The following SRL variants were observed in gnomAD, a reference collection of about 807,000 sequenced individuals.
SRL encodes sarcalumenin.
Under a neutral mutation model 39.5 loss-of-function variants are expected in SRL, and 23 were observed. The ratio of observed to expected loss-of-function variants is 0.58; its 90% CI spans 0.42 to 0.82. The LOEUF (loss-of-function observed/expected upper bound fraction) is 0.82. SRL is among the 40% of genes least tolerant of loss of function. The probability of loss-of-function intolerance (pLI) is 0.00; values close to 1 mark genes in which losing one functional copy is unlikely to be tolerated. For synonymous variants in SRL, 272 were observed against 237.4 expected, an observed-to-expected ratio of 1.15 and a Z score of -1.34; for missense variants, 592 against 607.8, an observed-to-expected ratio of 0.97 and a Z score of 0.27.
intron 1 of SRL, among the ~76,000 whole-genome samples, chr16:4,228,507 G>A (rs553388196): frequency 1.4e-3 from 211 of 152,090 alleles, no homozygotes; most frequent in Non-Finnish European, 2.5e-3. Context: ...AGGCCGAGGC[G>A]GGCGGATCAC....
At chr16:4,230,443 C>T (rs374470753) in intron 1 of SRL, among the ~76,000 whole-genome samples, 40 of 149,478 alleles carry the variant, frequency 2.7e-4, no homozygotes, top group African/African-American at 6.5e-4. Context: ...TATGGTGGTG[C>T]GATCTCGGCT....
At position 4,192,956 on chromosome 16, in the gene SRL, A is replaced by C; in HGVS notation, c.619T>G (p.Phe207Val). Residue 207 changes from phenylalanine (F) to valine (V), a missense_variant, in exon 6 of 6, where the codon TTC becomes GTC. By Grantham distance (50) the Phe-to-Val change is conservative (BLOSUM62 -1). Coordinates refer to ENST00000399609, the MANE Select transcript of SRL (RefSeq NM_001098814.2). This position sits in a 1 kb window ranked among gnomAD's most constrained non-coding sequence, Gnocchi z 4.0. The stretch of plus-strand genomic sequence containing the variant: ...ATGAACCACTGGCACACGTCGTTGA[A>C]GGGGTAGCCTTTGGGAGACAGAAGT... ...NRKQQERGYPFNDVCQWFIDR... is the reference protein window; with the variant it reads ...NRKQQERGYPVNDVCQWFIDR... The C allele has an allele frequency of 1.2e-6, 2 of 1,608,792 alleles. No individual in the cohort carries two copies. The highest frequency in any genetic ancestry group is 4.5e-5 in the East Asian group (2 of 44,812).
rs1304303431 is a variant in SRL at position 4,216,518 on chromosome 16, C to T, written c.62-11884G>A. Among the ~76,000 whole-genome samples the T allele has an allele frequency of 4.6e-5, 7 of 152,282 alleles. 1 individual carries two copies. In the East Asian group the frequency reaches 7.7e-4, roughly 17 times the overall value. ...AACTCTGGACCTCAAGTGATCCACC[C>T]GCCTCAAGTTCCCAAAGTGCTGGGA... On this transcript the variant is annotated intron_variant, in intron 1 of 5. Transcript: ENST00000399609.
intron 1 of SRL, among the ~76,000 whole-genome samples, chr16:4,238,437 C>T (rs56284072): frequency 0.01 from 1,529 of 152,252 alleles, 29 homozygotes; most frequent in African/African-American, 0.035. Context: ...TAGATGCTAC[C>T]GGCCTCATCT....
intron 1 of SRL, among the ~76,000 whole-genome samples, chr16:4,220,821 T>C (rs2052520396): frequency 6.6e-6 from 1 of 151,130 alleles, no homozygotes. Context: ...GGACCCCGAA[T>C]ATACTTAAAA....
Position 4,192,135 on chromosome 16 carries a change from C to T in SRL, c.*18G>A, listed in dbSNP as rs767003652. The stretch of plus-strand genomic sequence containing the variant: ...ACAAGCTGATTCACCAACAGGAACC[C>T]AAGGACCGCTCCACCACCTAGTGCT... On this transcript the variant is annotated 3_prime_UTR_variant, in exon 6 of 6. Transcript: ENST00000399609. The surrounding 1 kb of genome is among the most constrained non-coding windows in gnomAD (Gnocchi z 4.0). 9 of 1,532,746 alleles carry T rather than the reference C, an allele frequency of 5.9e-6. No individual in the cohort carries two copies. The highest frequency in any genetic ancestry group is 1.3e-5 in the South Asian group (1 of 75,760). The allele number at this position is 1,532,746 out of a possible 1,614,324, so 94.9% of individuals were successfully genotyped here. A position where few individuals can be genotyped will look rare whatever the true frequency, so the allele number is the denominator to read the frequency against.
chr16:4,232,835 A>G (rs1206274374), intron 1 of SRL, among the ~76,000 whole-genome samples: 2 of 152,160 alleles, frequency 1.3e-5, no homozygotes, highest in Admixed American at 1.3e-4. Context: ...ATGGGAGAAA[A>G]CTGAGCTGGC....
Position 4,190,293 on chromosome 16 carries a change from C to A in SRL, c.*1860G>T. ...CTTACCCTGCCTGACCTCAGAGTGC[C>A]TCTCCCTCTGCCTGCCTTTCCACTG... On this transcript the variant is annotated 3_prime_UTR_variant, in exon 6 of 6. Transcript: ENST00000399609. 1 of 399,080 alleles carries A rather than the reference C, an allele frequency of 2.5e-6. No individual in the cohort carries two copies. The highest frequency in any genetic ancestry group is 4.4e-6 in the Non-Finnish European group (1 of 226,422). The allele number at this position is 399,080 out of a possible 1,614,324, so 24.7% of individuals were successfully genotyped here. A position where few individuals can be genotyped will look rare whatever the true frequency, so the allele number is the denominator to read the frequency against.
chr16:4,223,552 A>AT (rs796106556), intron 1 of SRL, among the ~76,000 whole-genome samples: 6,121 of 143,504 alleles, frequency 0.043, 239 homozygotes, highest in African/African-American at 0.1. Context: ...AGGTTTTTAA[A>AT]TTTTTTTTTT....
At chr16:4,205,852 C>A (rs929983914) in intron 1 of SRL, among the ~76,000 whole-genome samples, 1 of 151,642 alleles carries the variant, frequency 6.6e-6, no homozygotes, top group African/African-American at 2.4e-5. Context: ...GTGGGAGGAT[C>A]GCTTGAGCAC....
intron 3 of SRL, 133 bp downstream of exon 3, chr16:4,203,033 T>C (rs17136872): frequency 0.19 from 152,891 of 790,192 alleles, 17,496 homozygotes; most frequent in African/African-American, 0.39. Flanking sequence ...CACAAGTCCT[T>C]GCACACATCA....
chr16:4,203,602 G>T (rs2052268347), intron 2 of SRL, among the ~76,000 whole-genome samples: 1 of 152,102 alleles, frequency 6.6e-6, no homozygotes, highest in Non-Finnish European at 1.5e-5. Context: ...GCTCACTGCA[G>T]CCTCTAACTC....
chr16:4,199,940 A>G (rs900756742), intron 3 of SRL, among the ~76,000 whole-genome samples: 1 of 152,056 alleles, frequency 6.6e-6, no homozygotes, highest in African/African-American at 2.4e-5. Flanking sequence ...CAAGTGATCC[A>G]CCTGCCTCGG....
In SRL at chr16:4,230,595, G is replaced by A. The variant is rs535726907; in HGVS notation, c.61+11412C>T. 3.3e-5 allele frequency among the ~76,000 whole-genome samples: 5 copies of A among 151,610 alleles called. No individual in the cohort carries two copies. In the South Asian group the frequency reaches 6.3e-4, roughly 19 times the overall value. On this transcript the variant is annotated intron_variant, in intron 1 of 5. Coordinates refer to ENST00000399609, the MANE Select transcript of SRL (RefSeq NM_001098814.2). ...GTAGAGACGGGGTTTCACCATGTTG[G>A]CCAGGCTGGTCTTGAACTCCCGACC...
Position 4,192,408 on chromosome 16 carries a change from A to T in SRL, c.1167T>A (p.Asn389Lys). 1 of 1,614,222 alleles carries T rather than the reference A, an allele frequency of 6.2e-7. No individual in the cohort carries two copies. Among genetic ancestry groups the T allele is most frequent in the East Asian group, 2.2e-5 (1 of 44,886 alleles). Residue 389 changes from asparagine (N) to lysine (K), a missense_variant, in exon 6 of 6, where the codon AAT becomes AAA. Physicochemically the swap from Asn to Lys is moderately conservative, Grantham distance 94. Coordinates refer to ENST00000399609, the MANE Select transcript of SRL (RefSeq NM_001098814.2). This position sits in a 1 kb window ranked among gnomAD's most constrained non-coding sequence, Gnocchi z 4.0. ...GGTTGGGAAGGTCAAATTTGCTGAC[A>T]TTGGTCTTTGCCAGGATGGTCTTGA... is the stretch of plus-strand genomic sequence containing the variant. ...YIFKTILAKT[N>K]VSKFDLPNRE...
At chr16:4,217,663 A>G (rs1329975715) in intron 1 of SRL, among the ~76,000 whole-genome samples, 2 of 152,236 alleles carry the variant, frequency 1.3e-5, no homozygotes, top group African/African-American at 4.8e-5. Flanking sequence ...CATAAAATGT[A>G]GATAACAATA....
chr16:4,192,126 A>T lies in SRL; in HGVS notation c.*27T>A. ...AGTTAGGACACAAGCTGATTCACCA[A>T]CAGGAACCCAAGGACCGCTCCACCA... On this transcript the variant is annotated 3_prime_UTR_variant, in exon 6 of 6. Transcript: ENST00000399609. This position sits in a 1 kb window ranked among gnomAD's most constrained non-coding sequence, Gnocchi z 4.0. 6.5e-7 allele frequency: 1 copy of T among 1,527,546 alleles called. No homozygotes were observed. Among genetic ancestry groups the T allele is most frequent in the South Asian group, 1.3e-5 (1 of 75,248 alleles). 94.6% of individuals were successfully genotyped at this position (1,527,546 alleles called of 1,614,324 possible).
chr16:4,233,114 G>A (rs2141069007), intron 1 of SRL, among the ~76,000 whole-genome samples: 1 of 152,354 alleles, frequency 6.6e-6, no homozygotes, highest in Non-Finnish European at 1.5e-5. Context: ...ACAGGCTAGA[G>A]TCTTCAGAGG....
chr16:4,203,362 G>C, intron 2 of SRL, 101 bp from the exon 3 acceptor site: 1 of 902,000 alleles, frequency 1.1e-6, no homozygotes, highest in Non-Finnish European at 1.8e-6. Flanking sequence ...CTCCACCCCT[G>C]CCTGGTGGGC....
Sources: gnomAD v4.1 joint callset for allele counts (sites outside exome capture counted in the v4.1 genomes callset) on GRCh38, gnomAD v4.1.1 for gene constraint, Gnocchi (gnomAD v3.1) non-coding constraint, MANE v1.5 for transcripts, NCBI Gene and HGNC (gene_info 2026-07-23, HGNC 2026-07-21) for gene names.